KPNA7: variants seen among roughly 807,000 people sequenced by gnomAD.
KPNA7 encodes karyopherin subunit alpha 7.
Under a neutral mutation model 53.7 loss-of-function variants are expected in KPNA7, and 54 were observed. That is an observed-to-expected ratio of 1.01 (90% CI 0.81 to 1.26). The LOEUF (loss-of-function observed/expected upper bound fraction) is 1.26. Ranked by LOEUF, KPNA7 falls within the 50% of genes most tolerant of loss-of-function variation. The pLI is 0.00. For synonymous variants in KPNA7, 276 were observed against 259.3 expected (o/e 1.06, Z -0.62); for missense variants, 640 against 644.5 (o/e 0.99, Z 0.07).
At chr7:99,146,711 T>TAAAAAAAAAA in the KPNA7 span, among the ~76,000 whole-genome samples, 3 of 70,402 alleles carry the variant, frequency 4.3e-5, no homozygotes, top group African/African-American at 1.2e-4. Flanking sequence ...GACTGTGTCT[T>TAAAAAAAAAA]AAAAAAAAAA....
At chr7:99,184,684 G>A (rs1789485791) in intron 8 of KPNA7, among the ~76,000 whole-genome samples, 1 of 152,138 alleles carries the variant, frequency 6.6e-6, no homozygotes, top group South Asian at 2.1e-4. Context: ...AGAGCTTTCT[G>A]GATGTTTGAG....
At position 99,207,478 on chromosome 7, in the gene KPNA7, G is replaced by A. The variant is rs188693671; in HGVS notation, c.-12C>T. Reference sequence around the variant, plus strand: ...TCTAAGGTCGGCATATTGACTGGAAGTAGTAAGTTACCTGCAGGTTGGACA... The same window carrying A: ...TCTAAGGTCGGCATATTGACTGGAAATAGTAAGTTACCTGCAGGTTGGACA... On this transcript the variant is annotated 5_prime_UTR_variant, in exon 2 of 11. Transcript: ENST00000327442. The A allele has an allele frequency of 5.8e-6, 9 of 1,549,336 alleles. No homozygotes were observed. The highest frequency in any genetic ancestry group is 3.9e-5 in the Admixed American group (2 of 50,950).
At chr7:99,208,788 G>T (rs1790948535), upstream of KPNA7, among the ~76,000 whole-genome samples, 1 of 152,170 alleles carries the variant, frequency 6.6e-6, no homozygotes, top group Non-Finnish European at 1.5e-5. Flanking sequence ...AGCAGTAAAG[G>T]AAAGCTTTTA....
chr7:99,174,425 T>G (rs1281579430), intron 10 of KPNA7, among the ~76,000 whole-genome samples: 1 of 152,194 alleles, frequency 6.6e-6, no homozygotes, highest in Non-Finnish European at 1.5e-5. Context: ...GTAATGCTCT[T>G]GAATCATCCC....
chr7:99,193,016 T>C lies in KPNA7; in HGVS notation c.636+3A>G. On this transcript the variant is annotated splice_donor_region_variant and intron_variant, in intron 6 of 10. Transcript: ENST00000327442. ...AAAAAAAGAGAAAGAAAAAGACACT[T>C]ACCGGCAGGGTGGGTGAAATCAAGG... The C allele has an allele frequency of 6.7e-7, 1 of 1,493,652 alleles. No individual in the cohort carries two copies. The allele number at this position is 1,493,652 out of a possible 1,614,324, so 92.5% of individuals were successfully genotyped here.
At chr7:99,189,335 C>T (rs942596716) in intron 6 of KPNA7, among the ~76,000 whole-genome samples, 5 of 152,056 alleles carry the variant, frequency 3.3e-5, no homozygotes, top group Admixed American at 2.0e-4. Context: ...CTATGTTGCC[C>T]AGTCTGGACT....
At chr7:99,205,225 C>T (rs1376637215) in intron 2 of KPNA7, among the ~76,000 whole-genome samples, 2 of 149,594 alleles carry the variant, frequency 1.3e-5, no homozygotes, top group Non-Finnish European at 3.0e-5. Flanking sequence ...AGATCGAGAC[C>T]ATCCTGGCCA....
chr7:99,196,585 G>C (rs1239134111), intron 3 of KPNA7, among the ~76,000 whole-genome samples: 1 of 152,188 alleles, frequency 6.6e-6, no homozygotes, highest in Non-Finnish European at 1.5e-5. Context: ...AAGCCAGGAA[G>C]TGTTTATCCA....
At chr7:99,173,968 T>A (rs1345886004) in intron 10 of KPNA7, among the ~76,000 whole-genome samples, 174 bp from the exon 11 acceptor site, 1 of 151,620 alleles carries the variant, frequency 6.6e-6, no homozygotes. Context: ...ACCACCCACC[T>A]CTAGAACTTT....
chr7:99,160,036 T>TTG, the KPNA7 span, among the ~76,000 whole-genome samples: 2 of 144,876 alleles, frequency 1.4e-5, no homozygotes, highest in Non-Finnish European at 3.0e-5. Flanking sequence ...TTTTTTTTTT[T>TTG]TTTTTTGAGA....
chr7:99,181,902 A>G lies in KPNA7; in HGVS notation c.1298T>C (p.Val433Ala). Reference protein sequence around the residue: ...DVKIVLIILDVISCILQAAEK... With the variant: ...DVKIVLIILDAISCILQAAEK... ...GCTCACCTGGAGGATGCAAGAGATG[A>G]CATCAAGGATGATGAGAACAATTTT... Residue 433 changes from valine to alanine, a missense_variant, in exon 9 of 11, where the codon GTC (valine) becomes GCC (alanine). Physicochemically the swap from Val to Ala is moderately conservative, Grantham distance 64 (BLOSUM62 0). Coordinates refer to ENST00000327442, the MANE Select transcript of KPNA7 (RefSeq NM_001145715.3). 7 of 1,546,384 alleles carry G rather than the reference A, an allele frequency of 4.5e-6. No individual in the cohort carries two copies. The highest frequency in any genetic ancestry group is 6.1e-6 in the Non-Finnish European group (7 of 1,142,926).
intron 2 of KPNA7, among the ~76,000 whole-genome samples, chr7:99,204,758 A>G (rs1373596908): frequency 6.6e-6 from 1 of 151,988 alleles, no homozygotes; most frequent in Admixed American, 6.6e-5. Context: ...TGGGAGGCTG[A>G]GGTGGGAGGA....
the KPNA7 span, among the ~76,000 whole-genome samples, chr7:99,166,876 C>T: frequency 6.6e-6 from 1 of 152,168 alleles, no homozygotes; most frequent in Admixed American, 6.6e-5. Context: ...CCTCGACCTC[C>T]CAAAGTGCTG....
Position 99,207,637 on chromosome 7 carries a change from TTTTTTTTTTTTTTTTTG to T in KPNA7, c.-23-165_-23-149del, listed in dbSNP as rs1790887323. On this transcript the variant is annotated intron_variant, in intron 1 of 10. Coordinates refer to ENST00000327442, the MANE Select transcript of KPNA7 (RefSeq NM_001145715.3). ...GCTTTTTTTTTTTTTTTTTTTTTTT[TTTTTTTTTTTTTTTTTG>T]AGACAGAGTCTCGCTCTGTTGCCCA... 9.3e-6 allele frequency: 4 copies of T among 429,046 alleles called. No individual in the cohort carries two copies. In the African/African-American group the frequency reaches 1.2e-4, roughly 13 times the overall value. The allele number at this position is 429,046 out of a possible 1,614,324, so 26.6% of individuals were successfully genotyped here.
At chr7:99,171,224 A>C (rs1408057015), downstream of KPNA7, among the ~76,000 whole-genome samples, 1 of 152,210 alleles carries the variant, frequency 6.6e-6, no homozygotes, top group Admixed American at 6.5e-5. Context: ...TGTCTCAAAA[A>C]TAAAAATAAA....
Position 99,178,053 on chromosome 7 carries a change from C to T in KPNA7, c.1331G>A (p.Arg444Gln), listed in dbSNP as rs764548916. Residue 444 changes from arginine (R) to glutamine (Q), a missense_variant, in exon 10 of 11, where the codon CGG becomes CAG. Transcript: ENST00000327442. The part of the protein sequence containing the change: ...ISCILQAAEK[R>Q]SEKENLCLLI... ...AAGACACAGGTTTTCCTTCTCAGAC[C>T]GTTTCTCTGCCGCCTGTGACCAAGT... 1.3e-5 allele frequency: 20 copies of T among 1,551,360 alleles called. No homozygotes were observed. Among genetic ancestry groups the T allele is most frequent in the Middle Eastern group, 1.7e-4 (1 of 6,014 alleles).
chr7:99,195,032 G>C (rs1329843977), intron 5 of KPNA7, 38 bp downstream of exon 5: 1 of 1,544,672 alleles, frequency 6.5e-7, no homozygotes, highest in East Asian at 2.5e-5. Flanking sequence ...CCACACACCT[G>C]GCCCCGTTTT....
the KPNA7 span, among the ~76,000 whole-genome samples, chr7:99,157,375 A>C: frequency 6.6e-6 from 1 of 151,952 alleles, no homozygotes; most frequent in East Asian, 1.9e-4. Flanking sequence ...ACACCCGGCT[A>C]ATTTTGTATT....
rs139782877 is a variant in KPNA7, at chr7:99,207,924, G to A, written c.-24+104C>T. On this transcript the variant is annotated intron_variant, in intron 1 of 10. Transcript: ENST00000327442. ...GCTGGGATTACAGGCATGAGCCACCGCTCCCAGCCAGCATTTTTTATTTTT... is the reference window on the plus strand; with the variant it reads ...GCTGGGATTACAGGCATGAGCCACCACTCCCAGCCAGCATTTTTTATTTTT... 1.0e-3 allele frequency among the ~76,000 whole-genome samples: 153 copies of A among 149,012 alleles called. 1 individual carries two copies. The East Asian group carries it at 0.025, about 25-fold the overall frequency.
Sources: allele counts gnomAD v4.1 joint callset (sites outside exome capture counted in the v4.1 genomes callset), GRCh38; gene constraint gnomAD v4.1.1; transcripts MANE v1.5; gene names NCBI Gene and HGNC (gene_info 2026-07-23, HGNC 2026-07-21).